Variants in ARHGEF38 observed in about 807,000 individuals in gnomAD.
ARHGEF38 encodes the protein Rho guanine nucleotide exchange factor 38.
A neutral mutation model predicts 79.9 loss-of-function variants in ARHGEF38; 79 were observed. That is an observed-to-expected ratio of 0.99 (90% CI 0.82 to 1.19). ARHGEF38 has a LOEUF of 1.19. Ranked by LOEUF, ARHGEF38 falls within the 50% of genes most tolerant of loss-of-function variation. The pLI, the probability that ARHGEF38 is intolerant of heterozygous loss-of-function variation, is 0.00. For missense variants in ARHGEF38, 962 were observed against 907.2 expected (o/e 1.06, Z -0.78); for synonymous variants, 366 against 328.3 (o/e 1.11, Z -1.24).
At chr4:105,641,518 G>T in intron 5 of ARHGEF38, among the ~76,000 whole-genome samples, 1 of 151,820 alleles carries the variant, frequency 6.6e-6, no homozygotes, top group East Asian at 1.9e-4. Flanking sequence ...AATTGACTTA[G>T]GTATTTTAAA....
At chr4:105,611,754 A>T (rs1327389865) in intron 2 of ARHGEF38, among the ~76,000 whole-genome samples, 1 of 152,116 alleles carries the variant, frequency 6.6e-6, no homozygotes, top group Non-Finnish European at 1.5e-5. Context: ...TGGATTAAAG[A>T]CCTTAAGAAC....
rs180951239 is a variant in ARHGEF38 at position 105,566,230 on chromosome 4, C to A, written c.196+13269C>A. Among the ~76,000 whole-genome samples the A allele has an allele frequency of 3.0e-4, 46 of 152,270 alleles. 2 individuals are homozygous for A. The South Asian group carries it at 9.3e-3, about 31-fold the overall frequency. On this transcript the variant is annotated intron_variant, in intron 1 of 13. Coordinates refer to ENST00000420470, the MANE Select transcript of ARHGEF38 (RefSeq NM_001242729.2). ...TAAGTTGTTTTCGCATCTTTTTTTG[C>A]CACCAAGCCTTTAAATATACTATTT... is the stretch of plus-strand genomic sequence containing the variant.
intron 2 of ARHGEF38, among the ~76,000 whole-genome samples, chr4:105,606,596 T>C (rs1364561246): frequency 6.6e-6 from 1 of 152,118 alleles, no homozygotes; most frequent in Non-Finnish European, 1.5e-5. Flanking sequence ...AATAAGACTT[T>C]AGCTAAGAGC....
At chr4:105,570,929 C>T (rs932817215) in intron 1 of ARHGEF38, among the ~76,000 whole-genome samples, 1 of 152,084 alleles carries the variant, frequency 6.6e-6, no homozygotes, top group African/African-American at 2.4e-5. Flanking sequence ...CACAAAAGGA[C>T]AAATACTGTA....
chr4:105,585,726 C>CTTTGTTTTTT (rs1727003651), intron 1 of ARHGEF38, among the ~76,000 whole-genome samples: 2 of 71,504 alleles, frequency 2.8e-5, no homozygotes, highest in African/African-American at 5.7e-5. Flanking sequence ...CCCTCCGTTG[C>CTTTGTTTTTT]TTTTTTTTTT....
chr4:105,589,147 C>G, intron 1 of ARHGEF38, 101 bp from the exon 2 acceptor site: 2 of 890,784 alleles, frequency 2.2e-6, no homozygotes, highest in Non-Finnish European at 3.4e-6. Context: ...ATACCTTCAG[C>G]CTTTTTCCTT....
intron 3 of ARHGEF38, among the ~76,000 whole-genome samples, chr4:105,618,127 AG>A (rs1728582762): frequency 6.6e-6 from 1 of 152,220 alleles, no homozygotes. Flanking sequence ...ATGAGAGTAA[AG>A]CTTCTATTTA....
chr4:105,579,821 C>T (rs545121083), intron 1 of ARHGEF38, among the ~76,000 whole-genome samples: 4 of 152,110 alleles, frequency 2.6e-5, no homozygotes, highest in Non-Finnish European at 5.9e-5. Context: ...AGCTTTTATT[C>T]GTACATGTGT....
At chr4:105,639,029 C>T (rs1351193079) in intron 5 of ARHGEF38, among the ~76,000 whole-genome samples, 4 of 151,930 alleles carry the variant, frequency 2.6e-5, no homozygotes, top group Non-Finnish European at 4.4e-5. Flanking sequence ...TTTATATTCT[C>T]ACTACTCTTA....
At chr4:105,647,988 C>T (rs1729922469) in intron 6 of ARHGEF38, among the ~76,000 whole-genome samples, 1 of 148,632 alleles carries the variant, frequency 6.7e-6, no homozygotes, top group Admixed American at 6.8e-5. Flanking sequence ...CTCCTGGGTT[C>T]AAGAGATTGT....
chr4:105,659,273 C>A lies in ARHGEF38; in HGVS notation c.1453C>A (p.Arg485=). Residue 485 remains arginine, a synonymous_variant, in exon 10 of 14, where the codon CGG becomes AGG. Coordinates refer to ENST00000420470, the MANE Select transcript of ARHGEF38 (RefSeq NM_001242729.2). The stretch of plus-strand genomic sequence containing the variant: ...GCTCCAGGCATTCAACCAGGCTGCT[C>A]GGAAGATTCTGTTGAACTGTCTATG... The part of the protein sequence containing the change: ...EELQAFNQAA[R]KILLNCLCSF... 1 of 1,536,060 alleles carries A rather than the reference C, an allele frequency of 6.5e-7. No homozygotes were observed. Among genetic ancestry groups the A allele is most frequent in the Non-Finnish European group, 8.7e-7 (1 of 1,146,886 alleles).
intron 2 of ARHGEF38, among the ~76,000 whole-genome samples, chr4:105,595,273 T>C (rs904935932): frequency 1.3e-5 from 2 of 152,184 alleles, no homozygotes; most frequent in South Asian, 2.1e-4. Context: ...TTTATTTCTA[T>C]AACAAGAAAG....
chr4:105,556,245 G>T (rs1020667486), intron 1 of ARHGEF38, among the ~76,000 whole-genome samples: 14 of 152,154 alleles, frequency 9.2e-5, no homozygotes, highest in Non-Finnish European at 1.9e-4. Context: ...GCTGTGTCTT[G>T]AGGGTTACAA....
chr4:105,668,811 G>T (rs1163084232), intron 13 of ARHGEF38, among the ~76,000 whole-genome samples: 1 of 152,114 alleles, frequency 6.6e-6, no homozygotes, highest in African/African-American at 2.4e-5. Context: ...ATTTTGTGAG[G>T]CTGAGGTGGG....
chr4:105,610,177 G>A (rs1728229853), intron 2 of ARHGEF38, among the ~76,000 whole-genome samples: 1 of 152,032 alleles, frequency 6.6e-6, no homozygotes, highest in Non-Finnish European at 1.5e-5. Flanking sequence ...TGGACACAGA[G>A]AGGGGAACAA....
At chr4:105,555,347 C>G (rs1380250253) in intron 1 of ARHGEF38, among the ~76,000 whole-genome samples, 1 of 152,110 alleles carries the variant, frequency 6.6e-6, no homozygotes, top group African/African-American at 2.4e-5. Flanking sequence ...TATCGAACGC[C>G]TAATAGAGCT....
intron 6 of ARHGEF38, among the ~76,000 whole-genome samples, chr4:105,646,377 G>A (rs1255708080): frequency 2.0e-5 from 3 of 152,220 alleles, no homozygotes; most frequent in Admixed American, 2.0e-4. Flanking sequence ...AAAATAAAAA[G>A]AAGCAATTCA....
Position 105,666,238 on chromosome 4 carries a change from A to G in ARHGEF38, c.1607A>G (p.Asn536Ser). Residue 536 changes from asparagine to serine, a missense_variant, in exon 11 of 14, where the codon AAT becomes AGT. By Grantham distance (46) the Asn-to-Ser change is conservative. Transcript: ENST00000420470. ...IQNQVLEEIQ[N>S]LNCVKENSAT... ...AATCAAGTACTAGAAGAGATCCAAAATTTGAATTGTGTGAAAGAAAACAGT... is the reference window on the plus strand; with the variant it reads ...AATCAAGTACTAGAAGAGATCCAAAGTTTGAATTGTGTGAAAGAAAACAGT... The G allele has an allele frequency of 3.3e-6, 5 of 1,535,604 alleles. No homozygotes were observed. The highest frequency in any genetic ancestry group is 1.4e-5 in the African/African-American group (1 of 73,136).
In ARHGEF38 at chr4:105,659,263, C is replaced by T; in HGVS notation, c.1443C>T (p.Asn481=). The T allele has an allele frequency of 6.5e-7, 1 of 1,536,098 alleles. No individual in the cohort carries two copies. ...AQLVEELQAF[N]QAARKILLNC... ...TTGTGGAGGAGCTCCAGGCATTCAA[C>T]CAGGCTGCTCGGAAGATTCTGTTGA... The change falls in exon 10 of 14, where the codon AAC becomes AAT. Residue 481 remains asparagine (N), a synonymous_variant. Coordinates refer to ENST00000420470, the MANE Select transcript of ARHGEF38 (RefSeq NM_001242729.2).
Sources: allele counts gnomAD v4.1 joint callset (sites outside exome capture counted in the v4.1 genomes callset), GRCh38; gene constraint gnomAD v4.1.1; transcripts MANE v1.5; gene names NCBI Gene and HGNC (gene_info 2026-07-23, HGNC 2026-07-21).